The following BCL11A variants were observed in gnomAD, a reference collection of about 807,000 sequenced individuals.
The protein encoded by BCL11A is B cell CLL/lymphoma 11A.
In BCL11A, 2 loss-of-function variants were observed where a neutral mutation model predicts 55.9. The ratio of observed to expected loss-of-function variants is 0.04; its 90% confidence interval spans 0.01 to 0.11. BCL11A has a LOEUF of 0.11. Among genes scored for constraint, BCL11A ranks in the 10% least tolerant of loss-of-function variants. The pLI, the probability that BCL11A is intolerant of heterozygous loss-of-function variation, is 1.00. For synonymous variants in BCL11A, 465 were observed against 473.4 expected (o/e 0.98, Z 0.23); for missense variants, 817 against 1,137.1 (o/e 0.72, Z 4.05).
In BCL11A at chr2:60,459,796, A is replaced by T. The variant is rs1350942713; in HGVS notation, c.*608T>A. 9.6e-7 allele frequency: 1 copy of T among 1,042,980 alleles called. No homozygotes were observed. The highest frequency in any genetic ancestry group is 1.2e-6 in the Non-Finnish European group (1 of 865,126). 64.6% of individuals were successfully genotyped at this position (1,042,980 alleles called of 1,614,324 possible). A position where few individuals can be genotyped will look rare whatever the true frequency, so the allele number is the denominator to read the frequency against. On this transcript the variant is annotated 3_prime_UTR_variant, in exon 4 of 4. Transcript: ENST00000642384. ...TACATTTAACCCTTTAGAGACAGACATTTAGCTCATAGAGATTTTTTTTCA... is the reference window on the plus strand; with the variant it reads ...TACATTTAACCCTTTAGAGACAGACTTTTAGCTCATAGAGATTTTTTTTCA...
intron 1 of BCL11A, 60 bp downstream of exon 1, chr2:60,553,156 C>T: frequency 6.5e-7 from 1 of 1,535,298 alleles, no homozygotes; most frequent in Admixed American, 1.9e-5. Flanking sequence ...GCTTTTGCTT[C>T]TAGTCCTGCG....
At chr2:60,542,945 G>A (rs13018474) in intron 2 of BCL11A, 8,734 of 150,132 alleles carry the variant, frequency 0.058, 415 homozygotes, top group East Asian at 0.18. Context: ...CAGGAGAATC[G>A]CTTGAACCTA....
intron 2 of BCL11A, among the ~76,000 whole-genome samples, chr2:60,497,260 C>T (rs572319772): frequency 1.9e-3 from 282 of 152,280 alleles, no homozygotes; most frequent in Non-Finnish European, 3.0e-3. Flanking sequence ...AAAGGAATAC[C>T]ACTGTGCATC....
intron 3 of BCL11A, among the ~76,000 whole-genome samples, chr2:60,462,661 A>G (rs1423020504): frequency 6.6e-6 from 1 of 152,068 alleles, no homozygotes; most frequent in African/African-American, 2.4e-5. Flanking sequence ...TCCAATCCCC[A>G]AAGCAGAAAA....
chr2:60,462,519 C>G, intron 3 of BCL11A, 95 bp from the exon 4 acceptor site: 1 of 1,502,462 alleles, frequency 6.7e-7, no homozygotes, highest in Non-Finnish European at 8.8e-7. Flanking sequence ...TTCCCTGCCC[C>G]CACCCCTCAA....
intron 2 of BCL11A, chr2:60,537,426 G>A (rs750384987): frequency 6.6e-6 from 1 of 152,222 alleles, no homozygotes; most frequent in Non-Finnish European, 1.5e-5. Context: ...TTCACTGAGG[G>A]GTTCCCCCCT....
downstream of BCL11A, chr2:60,452,839 TC>T: frequency 1.8e-6 from 1 of 565,244 alleles, no homozygotes; most frequent in Non-Finnish European, 3.1e-6. Flanking sequence ...TCCCCAAGTA[TC>T]TCTGACCTCT....
intron 2 of BCL11A, among the ~76,000 whole-genome samples, chr2:60,520,324 C>T (rs565498890): frequency 6.6e-6 from 1 of 151,234 alleles, no homozygotes; most frequent in African/African-American, 2.4e-5. Flanking sequence ...CTTTTTTTTT[C>T]AAGACATGAG....
chr2:60,525,610 T>C (rs1185853148), intron 2 of BCL11A: 1 of 151,956 alleles, frequency 6.6e-6, no homozygotes, highest in Non-Finnish European at 1.5e-5. Context: ...TGCTAGAACA[T>C]CATGGGGACT....
Position 60,461,926 on chromosome 2 carries a change from G to T in BCL11A, c.986C>A (p.Pro329Gln), listed in dbSNP as rs1676324216. 1.2e-6 allele frequency: 2 copies of T among 1,614,008 alleles called. No individual in the cohort carries two copies. Among genetic ancestry groups the T allele is most frequent in the African/African-American group, 2.7e-5 (2 of 74,926 alleles). ...GCTGGGCCGGCCTGGGGACAGCGGT[G>T]GGCTAGACGTGTTCCCTGCCAGCTC... ...LRELAGNTSS[P>Q]PLSPGRPSPM... The change falls in exon 4 of 4, where the codon CCA becomes CAA. Residue 329 changes from proline to glutamine, a missense_variant. Physicochemically the swap from Pro to Gln is moderately conservative, Grantham distance 76. This residue lies in a region of BCL11A where 363 missense variants were observed against 486.6 expected (regional missense o/e 0.75). Coordinates refer to ENST00000642384, the MANE Select transcript of BCL11A (RefSeq NM_022893.4).
intron 2 of BCL11A, among the ~76,000 whole-genome samples, chr2:60,507,808 T>C (rs1170264890): frequency 6.6e-6 from 1 of 152,146 alleles, no homozygotes; most frequent in Non-Finnish European, 1.5e-5. Context: ...AAAAACAAGC[T>C]GTTGAAACTG....
In BCL11A at chr2:60,493,994, G is replaced by C. The variant is rs531045515; in HGVS notation, c.386-25161C>G. Among the ~76,000 whole-genome samples, 7 of 152,288 alleles carry C rather than the reference G, an allele frequency of 4.6e-5. No homozygotes were observed. In the East Asian group the frequency reaches 1.4e-3, roughly 29 times the overall value. On this transcript the variant is annotated intron_variant, in intron 2 of 3. Transcript: ENST00000642384. ...AGTGGCGGAAGCTGATTAAAGGAAG[G>C]TACGGGGAGTGGAGGGGAAGTGGAC...
At chr2:60,534,844 G>A (rs986903936) in intron 2 of BCL11A, 1 of 152,238 alleles carries the variant, frequency 6.6e-6, no homozygotes, top group Non-Finnish European at 1.5e-5. Context: ...TTACATTAAT[G>A]AAGGAGTGCA....
At chr2:60,481,540 G>C (rs1465205091) in intron 2 of BCL11A, among the ~76,000 whole-genome samples, 20 of 152,102 alleles carry the variant, frequency 1.3e-4, no homozygotes, top group Non-Finnish European at 1.2e-4. Context: ...GGTGAAGGAG[G>C]ACAGGGATCA....
intron 2 of BCL11A, chr2:60,508,658 A>C (rs954460159): frequency 1.3e-5 from 2 of 152,240 alleles, no homozygotes; most frequent in Non-Finnish European, 2.9e-5. Flanking sequence ...GAGAATGGAC[A>C]CGGCAGGAAA....
downstream of BCL11A, chr2:60,452,502 G>T (rs1187147330): frequency 2.1e-5 from 26 of 1,228,328 alleles, no homozygotes; most frequent in Non-Finnish European, 3.1e-5. Flanking sequence ...TCACAAACTA[G>T]CAGGATGACA....
rs1450755850 is a variant in BCL11A at position 60,458,358 on chromosome 2, G to A, written c.*2046C>T. 1 of 1,022,942 alleles carries A rather than the reference G, an allele frequency of 9.8e-7. No homozygotes were observed. The highest frequency in any genetic ancestry group is 1.7e-5 in the African/African-American group (1 of 58,106). The allele number at this position is 1,022,942 out of a possible 1,614,324, so 63.4% of individuals were successfully genotyped here. A position where few individuals can be genotyped will look rare whatever the true frequency, so the allele number is the denominator to read the frequency against. ...CATTTTTAAATGGATAACAAGTCTTGTAACACCACCAAGACAATGGAACCC... is the reference window on the plus strand; with the variant it reads ...CATTTTTAAATGGATAACAAGTCTTATAACACCACCAAGACAATGGAACCC... On this transcript the variant is annotated 3_prime_UTR_variant, in exon 4 of 4. Coordinates refer to ENST00000642384, the MANE Select transcript of BCL11A (RefSeq NM_022893.4).
At chr2:60,494,413 T>A (rs1000297357) in intron 2 of BCL11A, among the ~76,000 whole-genome samples, 2 of 152,178 alleles carry the variant, frequency 1.3e-5, no homozygotes, top group Non-Finnish European at 2.9e-5. Context: ...TACCCTAATG[T>A]CTTATAAATC....
downstream of BCL11A, chr2:60,451,079 A>G (rs1675704627): frequency 1.1e-5 from 2 of 178,948 alleles, no homozygotes; most frequent in Admixed American, 1.3e-4. Context: ...CCACCTCCAT[A>G]AAGTAGAAGT....
Sources: gnomAD v4.1 joint callset for allele counts (sites outside exome capture counted in the v4.1 genomes callset) on GRCh38, gnomAD v4.1.1 for gene constraint, gnomAD v4.1.1 regional missense constraint, MANE v1.5 for transcripts, NCBI Gene and HGNC (gene_info 2026-07-23, HGNC 2026-07-21) for gene names.